MMAB: variants seen among roughly 807,000 people sequenced by gnomAD.
MMAB encodes corrinoid adenosyltransferase MMAB.
Under a neutral mutation model 30.6 loss-of-function variants are expected in MMAB, and 17 were observed. That is an observed-to-expected ratio of 0.56 (90% CI 0.38 to 0.83). The LOEUF is 0.83. MMAB is among the 40% of genes least tolerant of loss of function. MMAB has a pLI of 0.00. For synonymous variants in MMAB, 134 were observed against 138.6 expected (o/e 0.97, Z 0.23); for missense variants, 311 against 331.6 (o/e 0.94, Z 0.48).
In MMAB at chr12:109,564,064, C is replaced by T. The variant is rs148449220; in HGVS notation, c.348+1055G>A. Among the ~76,000 whole-genome samples, 76 of 152,364 alleles carry T rather than the reference C, an allele frequency of 5.0e-4. No homozygotes were observed. The East Asian group carries it at 0.014, about 28-fold the overall frequency. On this transcript the variant is annotated intron_variant, in intron 4 of 8. Coordinates refer to ENST00000545712, the MANE Select transcript of MMAB (RefSeq NM_052845.4). Reference sequence around the variant, plus strand: ...CACTGCAGCTAGGCTTCCCAGGTTCCCTCTGCATCGGGCATGAGCGAGGCA... The same window carrying T: ...CACTGCAGCTAGGCTTCCCAGGTTCTCTCTGCATCGGGCATGAGCGAGGCA...
At position 109,554,193 on chromosome 12, in the gene MMAB, A is replaced by T; in HGVS notation, c.*2835T>A. 2.2e-6 allele frequency: 1 copy of T among 453,138 alleles called. No individual in the cohort carries two copies. The highest frequency in any genetic ancestry group is 1.6e-5 in the South Asian group (1 of 64,466). The allele number at this position is 453,138 out of a possible 1,614,324, so 28.1% of individuals were successfully genotyped here. A position where few individuals can be genotyped will look rare whatever the true frequency, so the allele number is the denominator to read the frequency against. Reference sequence around the variant, plus strand: ...CCAGGACAACTTGGTTCCCCACCCAATGCCTCCTTCCAGGGCTGCTATGGG... The same window carrying T: ...CCAGGACAACTTGGTTCCCCACCCATTGCCTCCTTCCAGGGCTGCTATGGG... On this transcript the variant is annotated 3_prime_UTR_variant, in exon 9 of 9. Transcript: ENST00000545712.
In MMAB at chr12:109,554,150, C is replaced by T. The variant is rs764399327; in HGVS notation, c.*2878G>A. 4.4e-6 allele frequency: 2 copies of T among 453,572 alleles called. No individual in the cohort carries two copies. The highest frequency in any genetic ancestry group is 8.8e-6 in the Non-Finnish European group (2 of 226,424). The allele number at this position is 453,572 out of a possible 1,614,324, so 28.1% of individuals were successfully genotyped here. On this transcript the variant is annotated 3_prime_UTR_variant, in exon 9 of 9. Transcript: ENST00000545712. Reference sequence around the variant, plus strand: ...GTGACGAGGCCGCGTCCGGGGCTCACATCTTGGCACTGACTCCCCAGGACA... The same window carrying T: ...GTGACGAGGCCGCGTCCGGGGCTCATATCTTGGCACTGACTCCCCAGGACA...
At chr12:109,566,928 A>G in intron 3 of MMAB, 2 of 455,012 alleles carry the variant, frequency 4.4e-6, no homozygotes, top group Non-Finnish European at 4.4e-6. Context: ...ACCCCCTCCC[A>G]CACACACCAA....
In MMAB at chr12:109,555,382, A is replaced by G. The variant is rs534447559; in HGVS notation, c.*1646T>C. 1.4e-5 allele frequency: 6 copies of G among 416,848 alleles called. No individual in the cohort carries two copies. The highest frequency in any genetic ancestry group is 1.0e-4 in the South Asian group (6 of 57,936). 25.8% of individuals were successfully genotyped at this position (416,848 alleles called of 1,614,324 possible). On this transcript the variant is annotated 3_prime_UTR_variant, in exon 9 of 9. Coordinates refer to ENST00000545712, the MANE Select transcript of MMAB (RefSeq NM_052845.4). ...ACTGCAGCCTCTGCCTCGTAGGTTCAAGTGATTCTCCTGCCTCAGCCTCCT... is the reference window on the plus strand; with the variant it reads ...ACTGCAGCCTCTGCCTCGTAGGTTCGAGTGATTCTCCTGCCTCAGCCTCCT...
rs759550993 is a variant in MMAB at position 109,554,289 on chromosome 12, G to A, written c.*2739C>T. On this transcript the variant is annotated 3_prime_UTR_variant, in exon 9 of 9. Transcript: ENST00000545712. ...CACATAGCAAGCCCTTCCACAGTGC[G>A]GGCTGGTGTCACTGTGACTGTGGGC... 23 of 453,920 alleles carry A rather than the reference G, an allele frequency of 5.1e-5. No individual in the cohort carries two copies. The highest frequency in any genetic ancestry group is 1.9e-4 in the Admixed American group (8 of 42,548). 28.1% of individuals were successfully genotyped at this position (453,920 alleles called of 1,614,324 possible).
At chr12:109,562,325 C>T (rs531834698) in intron 4 of MMAB, among the ~76,000 whole-genome samples, 5 of 152,346 alleles carry the variant, frequency 3.3e-5, no homozygotes, top group South Asian at 2.1e-4. Flanking sequence ...ATAAATTATC[C>T]GGTCTCAGGT....
chr12:109,554,975 G>C lies in MMAB; in HGVS notation c.*2053C>G, dbSNP rs545623412. ...GATACAGAGGCGGGGGTCTGAGAAC[G>C]CGACTGTTAACATCCAGGCTGTGAC... On this transcript the variant is annotated 3_prime_UTR_variant, in exon 9 of 9. Coordinates refer to ENST00000545712, the MANE Select transcript of MMAB (RefSeq NM_052845.4). 2.2e-6 allele frequency: 1 copy of C among 454,072 alleles called. No homozygotes were observed. The highest frequency in any genetic ancestry group is 1.6e-5 in the South Asian group (1 of 64,476). The allele number at this position is 454,072 out of a possible 1,614,324, so 28.1% of individuals were successfully genotyped here.
chr12:109,561,825 A>G lies in MMAB; in HGVS notation c.376T>C (p.Ser126Pro), dbSNP rs1454037914. The G allele has an allele frequency of 6.2e-7, 1 of 1,609,006 alleles. No individual in the cohort carries two copies. Among genetic ancestry groups the G allele is most frequent in the Non-Finnish European group, 8.5e-7 (1 of 1,177,500 alleles). Residue 126 changes from serine to proline, a missense_variant, in exon 5 of 9, where the codon TCG becomes CCG. Coordinates refer to ENST00000545712, the MANE Select transcript of MMAB (RefSeq NM_052845.4). This position sits in a 1 kb window ranked among gnomAD's most constrained non-coding sequence, Gnocchi z 5.3. Reference sequence around the variant, plus strand: ...GAGGAGCATGGTGTCGCCAGGGCCGAGCCGACGTCCTGCAATGTGCACTGG... The same window carrying G: ...GAGGAGCATGGTGTCGCCAGGGCCGGGCCGACGTCCTGCAATGTGCACTGG... ...KIQCTLQDVG[S>P]ALATPCSSAR...
At chr12:109,562,567 G>A (rs2136200837) in intron 4 of MMAB, among the ~76,000 whole-genome samples, 1 of 152,342 alleles carries the variant, frequency 6.6e-6, no homozygotes, top group Non-Finnish European at 1.5e-5. Flanking sequence ...ACAGTCAAGA[G>A]GAACCGTCTG....
At chr12:109,564,808 A>C in intron 4 of MMAB, 1 of 471,094 alleles carries the variant, frequency 2.1e-6, no homozygotes, top group Non-Finnish European at 3.9e-6. Flanking sequence ...TTTCCTGAGT[A>C]GCTAAGGCTA....
intron 2 of MMAB, 89 bp downstream of exon 2, chr12:109,571,560 T>G (rs1217656882): frequency 7.6e-6 from 10 of 1,316,328 alleles, no homozygotes; most frequent in Non-Finnish European, 7.7e-6. Context: ...TATATTATAC[T>G]TTAAAGTGGC....
At chr12:109,562,356 G>A (rs1884244454) in intron 4 of MMAB, among the ~76,000 whole-genome samples, 1 of 152,240 alleles carries the variant, frequency 6.6e-6, no homozygotes, top group African/African-American at 2.4e-5. Flanking sequence ...AGCAGTGCGA[G>A]AACAGACTAA....
chr12:109,572,292 T>C lies in MMAB; in HGVS notation c.135-582A>G, dbSNP rs183350033. On this transcript the variant is annotated intron_variant, in intron 1 of 8. Transcript: ENST00000545712. Reference sequence around the variant, plus strand: ...TGGGGTCTCACTCTGTCACCCAGGCTGAAATGCAGTTGCACGATCTAGGCT... The same window carrying C: ...TGGGGTCTCACTCTGTCACCCAGGCCGAAATGCAGTTGCACGATCTAGGCT... Among the ~76,000 whole-genome samples the C allele has an allele frequency of 8.2e-4, 125 of 152,158 alleles. 1 individual carries two copies. Among genetic ancestry groups the C allele is most frequent in the African/African-American group, 2.9e-3 (120 of 41,496 alleles).
chr12:109,560,001 T>G (rs140311311), intron 7 of MMAB, among the ~76,000 whole-genome samples: 56 of 152,386 alleles, frequency 3.7e-4, no homozygotes, highest in African/African-American at 1.3e-3. Context: ...CTCTGCTGCA[T>G]GGAGGACCTA....
At chr12:109,571,470 T>C (rs564207036) in intron 2 of MMAB, among the ~76,000 whole-genome samples, 179 bp downstream of exon 2, 1 of 152,308 alleles carries the variant, frequency 6.6e-6, no homozygotes, top group South Asian at 2.1e-4. Flanking sequence ...CAGGCTAGTC[T>C]CAAATTCCTG....
chr12:109,572,160 G>A (rs189568055), intron 1 of MMAB, among the ~76,000 whole-genome samples: 1 of 152,266 alleles, frequency 6.6e-6, no homozygotes, highest in African/African-American at 2.4e-5. Flanking sequence ...CATCCAAGAA[G>A]AGGCAGGAGT....
rs759110803 is a variant in MMAB at position 109,561,523 on chromosome 12, G to A, written c.422-6C>T. ...CGCCTTGAACGTGGTATACTCTGAG[G>A]AGCCAAGGAGCAGAGGGAACTGCCA... On this transcript the variant is annotated splice_polypyrimidine_tract_variant and splice_region_variant and intron_variant, in intron 5 of 8. Transcript: ENST00000545712. This position sits in a 1 kb window ranked among gnomAD's most constrained non-coding sequence, Gnocchi z 5.3. 2.0e-5 allele frequency: 31 copies of A among 1,546,786 alleles called. No homozygotes were observed. The highest frequency in any genetic ancestry group is 2.0e-4 in the Middle Eastern group (1 of 5,008).
chr12:109,572,118 A>C (rs1008395205), intron 1 of MMAB, among the ~76,000 whole-genome samples: 9 of 152,190 alleles, frequency 5.9e-5, no homozygotes, highest in African/African-American at 2.2e-4. Context: ...CTGAGGAGGA[A>C]ACTATGGCTC....
At position 109,556,299 on chromosome 12, in the gene MMAB, G is replaced by A. The variant is rs1476011526; in HGVS notation, c.*729C>T. ...TGCTGCACCGCAGACCCTTGACTCA[G>A]TCCAACCAGACAGGGAATGTTCACC... On this transcript the variant is annotated 3_prime_UTR_variant, in exon 9 of 9. Coordinates refer to ENST00000545712, the MANE Select transcript of MMAB (RefSeq NM_052845.4). 3 of 453,902 alleles carry A rather than the reference G, an allele frequency of 6.6e-6. No homozygotes were observed. The highest frequency in any genetic ancestry group is 3.1e-5 in the South Asian group (2 of 64,478). 28.1% of individuals were successfully genotyped at this position (453,902 alleles called of 1,614,324 possible).
Sources: allele counts gnomAD v4.1 joint callset (sites outside exome capture counted in the v4.1 genomes callset), GRCh38; gene constraint gnomAD v4.1.1; non-coding constraint Gnocchi (gnomAD v3.1); transcripts MANE v1.5; gene names NCBI Gene and HGNC (gene_info 2026-07-23, HGNC 2026-07-21).